The following ADCY5 variants were observed in gnomAD, a reference collection of about 807,000 sequenced individuals.
The protein encoded by ADCY5 is adenylate cyclase 5, also known as adenylate cyclase type 5.
ADCY5 carries 30 observed loss-of-function variants against 119.7 expected under a neutral mutation model. That is an observed-to-expected ratio of 0.25 (90% CI 0.19 to 0.34). The LOEUF is 0.34. Ranked by LOEUF, ADCY5 falls within the 10% of genes least tolerant of loss-of-function variation. The pLI, the probability that ADCY5 is intolerant of heterozygous loss-of-function variation, is 1.00. For synonymous variants in ADCY5, 753 were observed against 762.2 expected, an observed-to-expected ratio of 0.99 and a Z score of 0.20; for missense variants, 1,324 against 1,775.2, an observed-to-expected ratio of 0.75 and a Z score of 4.57.
intron 14 of ADCY5, among the ~76,000 whole-genome samples, chr3:123,301,458 G>A (rs1007194368): frequency 2.6e-5 from 4 of 152,220 alleles, no homozygotes; most frequent in Admixed American, 6.5e-5. Flanking sequence ...CAGTCTTTGG[G>A]AGGAGGGATG....
At chr3:123,329,894 G>C (rs1576582331) in intron 5 of ADCY5, among the ~76,000 whole-genome samples, 1 of 152,304 alleles carries the variant, frequency 6.6e-6, no homozygotes, top group East Asian at 1.9e-4. Flanking sequence ...TACTTGCTTA[G>C]CTTGACAATG....
Position 123,448,215 on chromosome 3 carries a change from A to AGTC in ADCY5, c.328_330dup (p.Asp110dup). On this transcript the variant is annotated inframe_insertion, in exon 1 of 21. Transcript: ENST00000462833. ...CGCTGCCGGCGGCTGCCGCGACCGCAGTCGTCGCCGCCGCGCTCCTGCCAG... is the reference window on the plus strand; with the variant it reads ...CGCTGCCGGCGGCTGCCGCGACCGCAGTCGTCGTCGCCGCCGCGCTCCTGCCAG... 1.5e-6 allele frequency: 2 copies of AGTC among 1,306,802 alleles called. No individual in the cohort carries two copies. Among genetic ancestry groups the AGTC allele is most frequent in the Non-Finnish European group, 1.9e-6 (2 of 1,029,888 alleles). The allele number at this position is 1,306,802 out of a possible 1,614,324, so 81.0% of individuals were successfully genotyped here.
chr3:123,330,181 A>G (rs940992843), intron 5 of ADCY5, among the ~76,000 whole-genome samples: 2 of 151,896 alleles, frequency 1.3e-5, no homozygotes, highest in African/African-American at 2.4e-5. Context: ...AAACCAACGG[A>G]CCCGGCTGCC....
chr3:123,428,716 T>C (rs1008774107), intron 1 of ADCY5, among the ~76,000 whole-genome samples: 11 of 152,170 alleles, frequency 7.2e-5, no homozygotes, highest in African/African-American at 2.4e-4. Context: ...CACTGGATGG[T>C]AGAACTGCAT....
At chr3:123,347,951 G>A (rs765919233) in intron 2 of ADCY5, 48 bp from the exon 3 acceptor site, 14 of 1,609,606 alleles carry the variant, frequency 8.7e-6, no homozygotes, top group Non-Finnish European at 1.1e-5. Context: ...CTACCTGCCT[G>A]GCAAGTGCTC....
chr3:123,405,657 C>G (rs1944879641), intron 1 of ADCY5, among the ~76,000 whole-genome samples: 1 of 151,930 alleles, frequency 6.6e-6, no homozygotes, highest in African/African-American at 2.4e-5. Context: ...TATTTTGAGT[C>G]AGAGGCTCGC....
At chr3:123,313,875 C>A (rs951359701) in intron 12 of ADCY5, among the ~76,000 whole-genome samples, 3 of 152,192 alleles carry the variant, frequency 2.0e-5, no homozygotes, top group Non-Finnish European at 4.4e-5. Context: ...TCCTCCACAC[C>A]CATTCTCTCA....
intron 1 of ADCY5, among the ~76,000 whole-genome samples, chr3:123,414,051 T>C (rs1262586452): frequency 1.3e-5 from 2 of 152,120 alleles, no homozygotes; most frequent in African/African-American, 4.8e-5. Context: ...GGAGAGAGAC[T>C]GAGAAGGTGG....
intron 12 of ADCY5, among the ~76,000 whole-genome samples, chr3:123,307,944 C>T (rs1940287431): frequency 6.7e-6 from 1 of 149,264 alleles, no homozygotes; most frequent in African/African-American, 2.5e-5. Flanking sequence ...GTGGCTCTAC[C>T]ATCTAATGAA....
chr3:123,377,803 G>A (rs1274776276), intron 1 of ADCY5, among the ~76,000 whole-genome samples: 1 of 151,922 alleles, frequency 6.6e-6, no homozygotes, highest in Non-Finnish European at 1.5e-5. Context: ...GGTGGTGTGT[G>A]CCTGTAGTCC....
intron 1 of ADCY5, among the ~76,000 whole-genome samples, chr3:123,362,338 A>T (rs1007118399): frequency 2.0e-5 from 3 of 152,140 alleles, no homozygotes; most frequent in Non-Finnish European, 4.4e-5. Flanking sequence ...TAACTTTTTC[A>T]TGATAGTCAT....
intron 1 of ADCY5, among the ~76,000 whole-genome samples, chr3:123,444,102 G>A (rs1020160699): frequency 6.6e-6 from 1 of 152,198 alleles, no homozygotes; most frequent in Non-Finnish European, 1.5e-5. Flanking sequence ...CAAAAATGAG[G>A]TTGCCATGGC....
intron 1 of ADCY5, among the ~76,000 whole-genome samples, chr3:123,382,184 C>T (rs941552255): frequency 2.0e-5 from 3 of 152,158 alleles, no homozygotes; most frequent in Non-Finnish European, 4.4e-5. Flanking sequence ...AAGCAAAGGA[C>T]CAGATATCCT....
chr3:123,385,308 C>CACACACACAT (rs146236659), intron 1 of ADCY5, among the ~76,000 whole-genome samples: 30 of 147,332 alleles, frequency 2.0e-4, no homozygotes, highest in African/African-American at 7.1e-4. Flanking sequence ...CACACACACA[C>CACACACACAT]ACGCACGCAC....
At chr3:123,358,865 G>A (rs9818519) in intron 1 of ADCY5, among the ~76,000 whole-genome samples, 2,670 of 152,272 alleles carry the variant, frequency 0.018, 81 homozygotes, top group African/African-American at 0.062. Context: ...TACAGTGCTC[G>A]GTTCGTGCAG....
chr3:123,445,784 C>G (rs547612355), intron 1 of ADCY5, among the ~76,000 whole-genome samples: 1 of 152,268 alleles, frequency 6.6e-6, no homozygotes, highest in East Asian at 1.9e-4. Context: ...TATTAAATCC[C>G]TACTAAGTAT....
chr3:123,328,915 C>T lies in ADCY5; in HGVS notation c.1647-113G>A. On this transcript the variant is annotated intron_variant, in intron 5 of 20. Transcript: ENST00000462833. Reference sequence around the variant, plus strand: ...AGGTGCGGGGGTCAAAGAGTCTTCTCTCTCCCATCCAGCCCTAGAGTCCAA... The same window carrying T: ...AGGTGCGGGGGTCAAAGAGTCTTCTTTCTCCCATCCAGCCCTAGAGTCCAA... The T allele has an allele frequency of 2.7e-6, 3 of 1,123,162 alleles. No homozygotes were observed. In the South Asian group the frequency reaches 4.5e-5, roughly 17 times the overall value. 69.6% of individuals were successfully genotyped at this position (1,123,162 alleles called of 1,614,324 possible).
intron 1 of ADCY5, among the ~76,000 whole-genome samples, chr3:123,431,455 A>C (rs1945521348): frequency 6.6e-6 from 1 of 152,186 alleles, no homozygotes; most frequent in Admixed American, 6.5e-5. Context: ...AAGAAAAAAA[A>C]AAATGAGAGA....
At position 123,399,953 on chromosome 3, in the gene ADCY5, C is replaced by T. The variant is rs369186012; in HGVS notation, c.1135-47372G>A. Among the ~76,000 whole-genome samples, 6 of 152,280 alleles carry T rather than the reference C, an allele frequency of 3.9e-5. No individual in the cohort carries two copies. The East Asian group carries it at 5.8e-4, about 15-fold the overall frequency. On this transcript the variant is annotated intron_variant, in intron 1 of 20. Coordinates refer to ENST00000462833, the MANE Select transcript of ADCY5 (RefSeq NM_183357.3). ...GGTTAAGGGCTGTGTACAAAGGCAG[C>T]TGCACAACTAAAGTTCAACCCCTGG...
Sources: allele counts gnomAD v4.1 joint callset (sites outside exome capture counted in the v4.1 genomes callset), GRCh38; gene constraint gnomAD v4.1.1; transcripts MANE v1.5; gene names NCBI Gene and HGNC (gene_info 2026-07-23, HGNC 2026-07-21).